The following WWOX variants were observed in gnomAD, a reference collection of about 807,000 sequenced individuals.
The protein encoded by WWOX is WW domain containing oxidoreductase.
A neutral mutation model predicts 46.2 loss-of-function variants in WWOX; 69 were observed. The observed-to-expected ratio is 1.49, with a 90% CI of 1.23 to 1.82. The LOEUF (loss-of-function observed/expected upper bound fraction) is 1.82. Ranked by LOEUF, WWOX falls within the 40% of genes most tolerant of loss-of-function variation. WWOX has a pLI of 0.00. For synonymous variants in WWOX, 359 were observed against 202.6 expected, an observed-to-expected ratio of 1.77 and a Z score of -6.56; for missense variants, 919 against 542.6, an observed-to-expected ratio of 1.69 and a Z score of -6.89.
intron 5 of WWOX, among the ~76,000 whole-genome samples, chr16:78,319,130 G>C (rs1282033050): frequency 2.0e-5 from 3 of 152,100 alleles, no homozygotes; most frequent in Admixed American, 2.0e-4. Context: ...ATGGCAGCAT[G>C]AGAAGGACAC....
At position 78,686,433 on chromosome 16, in the gene WWOX, C is replaced by T. The variant is rs149731402; in HGVS notation, c.1056+253681C>T. Among the ~76,000 whole-genome samples, 398 of 152,210 alleles carry T rather than the reference C, an allele frequency of 2.6e-3. 2 individuals are homozygous for T. The highest frequency in any genetic ancestry group is 8.6e-3 in the African/African-American group (357 of 41,536). ...GGCCGAGGCAGGAGAATGGTGTCAA[C>T]CCGGGAGGTGGAGTTTGCAGTTAGC... On this transcript the variant is annotated intron_variant, in intron 8 of 8. Coordinates refer to ENST00000566780, the MANE Select transcript of WWOX (RefSeq NM_016373.4).
intron 8 of WWOX, among the ~76,000 whole-genome samples, chr16:79,026,935 T>C (rs1179812863): frequency 1.3e-5 from 2 of 151,132 alleles, no homozygotes; most frequent in African/African-American, 4.9e-5. Context: ...GGGCGGCACG[T>C]GGTAGACTCT....
chr16:79,074,571 A>G (rs535694369), intron 8 of WWOX, among the ~76,000 whole-genome samples: 21 of 151,956 alleles, frequency 1.4e-4, no homozygotes, highest in African/African-American at 5.1e-4. Flanking sequence ...TTGGAAATGG[A>G]GTAGCATTCT....
At chr16:78,579,774 TGAG>T (rs2045001526) in intron 8 of WWOX, among the ~76,000 whole-genome samples, 1 of 152,170 alleles carries the variant, frequency 6.6e-6, no homozygotes, top group Admixed American at 6.5e-5. Flanking sequence ...TTGTGAGAAA[TGAG>T]GAGATAATAT....
rs374130066 is a variant in WWOX at position 78,937,274 on chromosome 16, A to C, written c.1057-274334A>C. Among the ~76,000 whole-genome samples the C allele has an allele frequency of 2.6e-5, 4 of 152,114 alleles. No homozygotes were observed. The East Asian group carries it at 5.8e-4, about 22-fold the overall frequency. ...TGAAAGTGACCCAAATAATACAAGC[A>C]ACTGTTTACCCTGATTCTCCAATAC... On this transcript the variant is annotated intron_variant, in intron 8 of 8. Transcript: ENST00000566780.
chr16:79,179,759 A>G (rs1043911205), intron 8 of WWOX, among the ~76,000 whole-genome samples: 3 of 152,228 alleles, frequency 2.0e-5, no homozygotes, highest in Non-Finnish European at 2.9e-5. Context: ...AAGGACTGAA[A>G]GATCTCAACC....
intron 8 of WWOX, among the ~76,000 whole-genome samples, chr16:79,020,468 C>A (rs548705494): frequency 6.6e-6 from 1 of 152,306 alleles, no homozygotes; most frequent in South Asian, 2.1e-4. Flanking sequence ...TCATGATAGT[C>A]TCTGTCCCAG....
intron 8 of WWOX, among the ~76,000 whole-genome samples, chr16:79,137,518 T>C (rs2050005423): frequency 5.3e-5 from 8 of 152,202 alleles, no homozygotes; most frequent in African/African-American, 1.9e-4. Context: ...AGTGACATGT[T>C]GGACCCGTGG....
chr16:78,845,534 G>C (rs2052275973), intron 8 of WWOX, among the ~76,000 whole-genome samples: 1 of 152,242 alleles, frequency 6.6e-6, no homozygotes, highest in East Asian at 1.9e-4. Flanking sequence ...TTTAAAGAAA[G>C]TGTAATTTTC....
intron 8 of WWOX, among the ~76,000 whole-genome samples, chr16:78,755,407 G>C (rs977979844): frequency 2.6e-5 from 4 of 152,066 alleles, no homozygotes; most frequent in Admixed American, 6.5e-5. Context: ...CTATTCCCCT[G>C]GACCATGATA....
At chr16:78,204,328 G>C (rs2036324637) in intron 5 of WWOX, among the ~76,000 whole-genome samples, 1 of 151,986 alleles carries the variant, frequency 6.6e-6, no homozygotes, top group South Asian at 2.1e-4. Flanking sequence ...CCGATGTTTT[G>C]ATACAGGCAT....
chr16:78,601,921 T>C (rs1172188071), intron 8 of WWOX, among the ~76,000 whole-genome samples: 1 of 152,220 alleles, frequency 6.6e-6, no homozygotes, highest in Non-Finnish European at 1.5e-5. Flanking sequence ...ATTGTTTTAT[T>C]AGCGAAATCA....
At position 78,968,523 on chromosome 16, in the gene WWOX, C is replaced by T. The variant is rs571124066; in HGVS notation, c.1057-243085C>T. 1.0e-3 allele frequency among the ~76,000 whole-genome samples: 159 copies of T among 152,296 alleles called. 1 individual carries two copies. The highest frequency in any genetic ancestry group is 3.6e-3 in the African/African-American group (149 of 41,556). The stretch of plus-strand genomic sequence containing the variant: ...TTTCATTGTTAACCATCACAAGCAA[C>T]GGGACATTATGATGACTGTTATAAG... On this transcript the variant is annotated intron_variant, in intron 8 of 8. Coordinates refer to ENST00000566780, the MANE Select transcript of WWOX (RefSeq NM_016373.4).
chr16:78,958,626 C>G (rs1487882403), intron 8 of WWOX, among the ~76,000 whole-genome samples: 1 of 152,156 alleles, frequency 6.6e-6, no homozygotes, highest in African/African-American at 2.4e-5. Context: ...CGAGTCCATC[C>G]TTTTACCAAG....
chr16:78,938,454 A>G (rs2045787022), intron 8 of WWOX, among the ~76,000 whole-genome samples: 1 of 150,678 alleles, frequency 6.6e-6, no homozygotes. Context: ...AAACCCTCAA[A>G]GGCAAGGGCT....
chr16:78,157,355 C>T (rs923365976), intron 4 of WWOX, among the ~76,000 whole-genome samples: 2 of 152,200 alleles, frequency 1.3e-5, no homozygotes, highest in African/African-American at 2.4e-5. Context: ...CATTTTACTT[C>T]TCTCATTTTC....
chr16:78,880,897 G>A (rs1240070650), intron 8 of WWOX, among the ~76,000 whole-genome samples: 4 of 151,582 alleles, frequency 2.6e-5, no homozygotes, highest in South Asian at 2.1e-4. Context: ...CAGGTCAGAC[G>A]TAGGTATAAG....
At chr16:78,814,315 C>T (rs1368673220) in intron 8 of WWOX, among the ~76,000 whole-genome samples, 2 of 152,066 alleles carry the variant, frequency 1.3e-5, no homozygotes, top group African/African-American at 2.4e-5. Flanking sequence ...GGTGAAGTAT[C>T]TCCTTTTCCC....
chr16:78,332,494 C>T (rs1162492046), intron 5 of WWOX, among the ~76,000 whole-genome samples: 9 of 152,242 alleles, frequency 5.9e-5, no homozygotes, highest in East Asian at 3.9e-4. Context: ...AAAGAAAACC[C>T]GAGATCTTTT....
Sources: allele counts gnomAD v4.1 joint callset (sites outside exome capture counted in the v4.1 genomes callset), GRCh38; gene constraint gnomAD v4.1.1; transcripts MANE v1.5; gene names NCBI Gene and HGNC (gene_info 2026-07-23, HGNC 2026-07-21).